CNBD2: variants seen among roughly 807,000 people sequenced by gnomAD.
CNBD2 encodes the protein cyclic nucleotide binding domain containing 2, also known as cyclic nucleotide-binding domain-containing protein 2.
Under a neutral mutation model 63.7 loss-of-function variants are expected in CNBD2, and 64 were observed. That is an observed-to-expected ratio of 1.00 (90% CI 0.82 to 1.24). The LOEUF is 1.24. Among genes scored for constraint, CNBD2 ranks in the 50% most tolerant of loss-of-function variants. CNBD2 has a pLI of 0.00. For synonymous variants in CNBD2, 229 were observed against 255.4 expected (o/e 0.90, Z 0.99); for missense variants, 691 against 713.5 (o/e 0.97, Z 0.36).
intron 2 of CNBD2, among the ~76,000 whole-genome samples, chr20:35,963,267 G>C (rs570005125): frequency 1.3e-5 from 2 of 152,000 alleles, no homozygotes; most frequent in East Asian, 3.9e-4. Context: ...CTGAGTCTGG[G>C]AAGGTAGAGG....
At chr20:35,964,721 A>G (rs530786645), upstream of CNBD2, among the ~76,000 whole-genome samples, 1 of 150,596 alleles carries the variant, frequency 6.6e-6, no homozygotes, top group East Asian at 2.0e-4. Context: ...TTTTTTTTTA[A>G]GAGACGGAGT....
chr20:35,968,824 G>A lies in CNBD2; in HGVS notation c.51+11G>A. ...CTGAAGAAGGAACTGGTGAGGAGGG[G>A]CAAGGGCCCTGGGAGGGAAGAGCAG... On this transcript the variant is annotated intron_variant, in intron 1 of 11. Transcript: ENST00000373973. The A allele has an allele frequency of 1.9e-6, 3 of 1,601,976 alleles. No homozygotes were observed. Among genetic ancestry groups the A allele is most frequent in the Non-Finnish European group, 2.6e-6 (3 of 1,173,580 alleles).
At position 35,983,340 on chromosome 20, in the gene CNBD2, G is replaced by A. The variant is rs140522563; in HGVS notation, c.408-642G>A. 5.4e-3 allele frequency among the ~76,000 whole-genome samples: 822 copies of A among 152,074 alleles called. 6 individuals are homozygous for A. Among genetic ancestry groups the A allele is most frequent in the African/African-American group, 0.019 (788 of 41,484 alleles). ...TGAATGAAGGAAAAGAATAAATATC[G>A]AAAGAATTGAGATTTGGACTTGCAT... On this transcript the variant is annotated intron_variant, in intron 4 of 11. Transcript: ENST00000373973.
downstream of CNBD2, among the ~76,000 whole-genome samples, chr20:35,957,039 T>A (rs966315654): frequency 5.9e-5 from 9 of 152,210 alleles, no homozygotes; most frequent in Non-Finnish European, 1.0e-4. Flanking sequence ...TGAAAGGGAA[T>A]GAACTTTTGT....
At chr20:35,976,963 C>T (rs951511575) in intron 3 of CNBD2, among the ~76,000 whole-genome samples, 7 of 152,282 alleles carry the variant, frequency 4.6e-5, no homozygotes, top group Middle Eastern at 3.4e-3. Flanking sequence ...TTGCTTGCCT[C>T]TCCTGGGCAC....
chr20:36,014,696 A>G (rs1403940766), intron 10 of CNBD2, among the ~76,000 whole-genome samples: 2 of 151,802 alleles, frequency 1.3e-5, no homozygotes, highest in African/African-American at 4.8e-5. Flanking sequence ...GTGGCAAGTG[A>G]TCATGGGTCA....
Position 36,008,681 on chromosome 20 carries a change from C to T in CNBD2, c.1148+207C>T, listed in dbSNP as rs182235462. On this transcript the variant is annotated intron_variant, in intron 9 of 11. Transcript: ENST00000373973. The stretch of plus-strand genomic sequence containing the variant: ...TCTCCACCTGTAACTCACAAGGCTA[C>T]GTCAGGCATTCAGCCACTTCTTTTC... 2.0e-5 allele frequency among the ~76,000 whole-genome samples: 3 copies of T among 152,324 alleles called. No individual in the cohort carries two copies. The East Asian group carries it at 5.8e-4, about 29-fold the overall frequency.
intron 7 of CNBD2, among the ~76,000 whole-genome samples, chr20:35,994,256 G>A (rs1234282714): frequency 6.6e-6 from 1 of 151,838 alleles, no homozygotes; most frequent in Admixed American, 6.6e-5. Context: ...GTAGGGACGG[G>A]GTTTATCCAT....
intron 9 of CNBD2, among the ~76,000 whole-genome samples, chr20:36,010,053 C>T (rs2590976): frequency 0.036 from 5,402 of 152,112 alleles, 338 homozygotes; most frequent in African/African-American, 0.12. Context: ...ATGATTGTCA[C>T]GACTGGTATG....
At chr20:35,970,594 C>T (rs564323400) in intron 1 of CNBD2, among the ~76,000 whole-genome samples, 1 of 151,956 alleles carries the variant, frequency 6.6e-6, no homozygotes, top group East Asian at 2.0e-4. Flanking sequence ...GATGGGATTT[C>T]ACCATGTTGG....
chr20:36,023,770 A>C lies in CNBD2; in HGVS notation c.1438A>C (p.Ser480Arg), dbSNP rs1385134680. The stretch of plus-strand genomic sequence containing the variant: ...GTTAAAGCTCAATATTGCATTCCCC[A>C]GGTCAGTACTGGAAATGTGCGTAAG... The part of the protein sequence containing the change: ...KLLKLNIAFP[S>R]DEDMCQKFLQ... The change falls in exon 11 of 12, where the codon AGT becomes CGT. Residue 480 changes from serine (S) to arginine (R), a missense_variant and splice_region_variant. Transcript: ENST00000373973. 16 of 1,606,822 alleles carry C rather than the reference A, an allele frequency of 1.0e-5. No individual in the cohort carries two copies. The highest frequency in any genetic ancestry group is 1.2e-5 in the Non-Finnish European group (14 of 1,176,936).
chr20:35,964,249 C>T (rs1012575087), upstream of CNBD2, among the ~76,000 whole-genome samples: 8 of 150,890 alleles, frequency 5.3e-5, no homozygotes, highest in African/African-American at 1.5e-4. Context: ...GGTGTGATCT[C>T]GGCTCACCAC....
chr20:35,984,282 G>A (rs1160444203), intron 5 of CNBD2, 144 bp downstream of exon 5: 1 of 823,136 alleles, frequency 1.2e-6, no homozygotes. Flanking sequence ...CCTGTCAAAT[G>A]CTAATTGAGT....
intron 8 of CNBD2, among the ~76,000 whole-genome samples, chr20:35,997,840 A>G (rs1434297183): frequency 6.6e-6 from 1 of 152,030 alleles, no homozygotes; most frequent in African/African-American, 2.4e-5. Context: ...TCACTTTTCC[A>G]CTGTCAATCC....
intron 2 of CNBD2, among the ~76,000 whole-genome samples, chr20:35,960,887 C>T (rs1184790461): frequency 8.0e-5 from 12 of 149,800 alleles, no homozygotes; most frequent in African/African-American, 2.5e-4. Flanking sequence ...CTCTCCTCTC[C>T]TCTCCCCTCC....
At chr20:35,969,721 A>G (rs1404309596) in intron 1 of CNBD2, among the ~76,000 whole-genome samples, 1 of 152,214 alleles carries the variant, frequency 6.6e-6, no homozygotes, top group Non-Finnish European at 1.5e-5. Context: ...CTACTAATGA[A>G]CATTTGTTTT....
downstream of CNBD2, chr20:35,959,536 C>T (rs1418593391): frequency 6.6e-6 from 1 of 152,154 alleles, no homozygotes; most frequent in Non-Finnish European, 1.5e-5. Context: ...CCTTATAAAA[C>T]CATCAGATCT....
intron 3 of CNBD2, among the ~76,000 whole-genome samples, chr20:35,979,794 G>C (rs1387474639): frequency 6.6e-6 from 1 of 152,200 alleles, no homozygotes; most frequent in Admixed American, 6.5e-5. Flanking sequence ...AGCCCAGGCA[G>C]AGACCTCAAG....
chr20:36,028,685 G>GTTTT (rs148778050), intron 11 of CNBD2, among the ~76,000 whole-genome samples: 1 of 140,116 alleles, frequency 7.1e-6, no homozygotes, highest in African/African-American at 3.1e-5. Flanking sequence ...TCACGGGCTG[G>GTTTT]TTTTTTTTGG....
Sources: gnomAD v4.1 joint callset for allele counts (sites outside exome capture counted in the v4.1 genomes callset) on GRCh38, gnomAD v4.1.1 for gene constraint, MANE v1.5 for transcripts, NCBI Gene and HGNC (gene_info 2026-07-23, HGNC 2026-07-21) for gene names.